The following ELL2 variants were observed in gnomAD, a reference collection of about 807,000 sequenced individuals.
The protein encoded by ELL2 is elongation factor for RNA polymerase II 2.
In ELL2, 21 loss-of-function variants were observed where a neutral mutation model predicts 72.8. That is an observed-to-expected ratio of 0.29 (90% confidence interval 0.20 to 0.42). The LOEUF (loss-of-function observed/expected upper bound fraction) is 0.42. Ranked by LOEUF, ELL2 falls within the 10% of genes least tolerant of loss-of-function variation. The pLI is 1.00. For missense variants in ELL2, 568 were observed against 772.8 expected (o/e 0.73, Z 3.14); for synonymous variants, 266 against 283.2 (o/e 0.94, Z 0.61).
At chr5:95,896,434 G>T (rs1004276757) in intron 8 of ELL2, among the ~76,000 whole-genome samples, 1 of 152,012 alleles carries the variant, frequency 6.6e-6, no homozygotes, top group East Asian at 1.9e-4. Flanking sequence ...TGAAAGTAGG[G>T]TTAAACTGAT....
At chr5:95,895,298 G>A (rs1580479133) in intron 9 of ELL2, among the ~76,000 whole-genome samples, 1 of 152,248 alleles carries the variant, frequency 6.6e-6, no homozygotes, top group Non-Finnish European at 1.5e-5. Context: ...GTGAATGACT[G>A]TGCATTGATA....
At chr5:95,903,074 C>G (rs552984186) in intron 5 of ELL2, among the ~76,000 whole-genome samples, 1 of 152,064 alleles carries the variant, frequency 6.6e-6, no homozygotes. Flanking sequence ...GTGTGAGCCA[C>G]TACGCCCCAC....
intron 5 of ELL2, among the ~76,000 whole-genome samples, chr5:95,903,016 C>T (rs551062670): frequency 2.0e-5 from 3 of 151,806 alleles, no homozygotes; most frequent in Admixed American, 6.6e-5. Context: ...CTCAAACTCC[C>T]GGGCTCAAGC....
Position 95,927,381 on chromosome 5 carries a change from A to ACG in ELL2, c.196-7838_196-7837dup, listed in dbSNP as rs1300212910. Among the ~76,000 whole-genome samples the ACG allele has an allele frequency of 1.1e-4, 8 of 69,858 alleles. 2 individuals are homozygous for ACG. Among genetic ancestry groups the ACG allele is most frequent in the African/African-American group, 3.2e-4 (4 of 12,636 alleles). 45.8% of individuals were successfully genotyped at this position (69,858 alleles called of 152,430 possible). A position where few individuals can be genotyped will look rare whatever the true frequency, so the allele number is the denominator to read the frequency against. The stretch of plus-strand genomic sequence containing the variant: ...TGTATATATAGACATACACACACAC[A>ACG]CGTGTGTATATATAGACATACACAC... On this transcript the variant is annotated intron_variant, in intron 2 of 11. Transcript: ENST00000237853.
At chr5:95,898,182 C>T (rs145361722) in intron 8 of ELL2, 58 bp downstream of exon 8, 475 of 1,305,816 alleles carry the variant, frequency 3.6e-4, no homozygotes, top group Non-Finnish European at 4.3e-4. Flanking sequence ...TAATTATAAA[C>T]TGTGTAATTT....
chr5:95,948,429 C>CAAAAAAAAAA (rs1187881368), intron 1 of ELL2, among the ~76,000 whole-genome samples: 1,020 of 35,206 alleles, frequency 0.029, 149 homozygotes, highest in African/African-American at 0.043. Context: ...GACTCCGCCT[C>CAAAAAAAAAA]AAAAAAAAAA....
At chr5:95,901,559 T>TAAC (rs10671631) in intron 5 of ELL2, among the ~76,000 whole-genome samples, 56,570 of 151,712 alleles carry the variant, frequency 0.37, 11,845 homozygotes, top group African/African-American at 0.58. Context: ...GGTAAGAGAT[T>TAAC]AACAATAACT....
chr5:95,894,096 C>CA (rs1296904649), intron 9 of ELL2, among the ~76,000 whole-genome samples: 1 of 152,150 alleles, frequency 6.6e-6, no homozygotes, highest in Non-Finnish European at 1.5e-5. Context: ...ACTAAAAATA[C>CA]AAAAAATTAC....
intron 2 of ELL2, among the ~76,000 whole-genome samples, chr5:95,925,147 G>A (rs1750239754): frequency 6.6e-6 from 1 of 152,142 alleles, no homozygotes; most frequent in Non-Finnish European, 1.5e-5. Context: ...GTTCTTCTGT[G>A]GGATTACAAA....
At position 95,895,683 on chromosome 5, in the gene ELL2, C is replaced by G; in HGVS notation, c.1534G>C (p.Glu512Gln). 1 of 1,613,940 alleles carries G rather than the reference C, an allele frequency of 6.2e-7. No homozygotes were observed. Among genetic ancestry groups the G allele is most frequent in the African/African-American group, 1.3e-5 (1 of 75,042 alleles). ...SSPNSSGGVK[E>Q]DCTASMEPSA... Reference sequence around the variant, plus strand: ...GGTTCCATGGAGGCAGTGCAATCCTCTTTAACTCCTATGAAGAAAAAAAAC... The same window carrying G: ...GGTTCCATGGAGGCAGTGCAATCCTGTTTAACTCCTATGAAGAAAAAAAAC... Residue 512 changes from glutamate to glutamine, a missense_variant, in exon 9 of 12, where the codon GAG (glutamate) becomes CAG (glutamine). By Grantham distance (29) the Glu-to-Gln change is conservative. Around this residue, in one of 2 missense-constraint regions of ELL2, gnomAD observed 511 missense variants for 728.4 expected, o/e 0.70. Coordinates refer to ENST00000237853, the MANE Select transcript of ELL2 (RefSeq NM_012081.6).
rs753019427 is a variant in ELL2, at chr5:95,903,678, A to G, written c.742-2598T>C. On this transcript the variant is annotated intron_variant, in intron 5 of 11. Coordinates refer to ENST00000237853, the MANE Select transcript of ELL2 (RefSeq NM_012081.6). ...TAAGTTTGAAGACTTTCAATACCCA[A>G]TATATATGCTGCTAATTCCTAAATT... Among the ~76,000 whole-genome samples the G allele has an allele frequency of 8.5e-5, 13 of 152,264 alleles. No homozygotes were observed. In the East Asian group the frequency reaches 1.4e-3, roughly 16 times the overall value.
At chr5:95,940,443 G>A (rs1172294746) in intron 2 of ELL2, among the ~76,000 whole-genome samples, 1 of 152,046 alleles carries the variant, frequency 6.6e-6, no homozygotes, top group Non-Finnish European at 1.5e-5. Flanking sequence ...ACATCACTGA[G>A]GGAAAAAAAT....
intron 1 of ELL2, among the ~76,000 whole-genome samples, chr5:95,945,439 C>T (rs1452934069): frequency 6.6e-6 from 1 of 152,212 alleles, no homozygotes; most frequent in Non-Finnish European, 1.5e-5. Flanking sequence ...AGGATCAGAA[C>T]CCAAGACTCA....
At chr5:95,952,124 C>A (rs912058680) in intron 1 of ELL2, among the ~76,000 whole-genome samples, 1 of 151,976 alleles carries the variant, frequency 6.6e-6, no homozygotes, top group Non-Finnish European at 1.5e-5. Flanking sequence ...AACACAGCAA[C>A]GAAAAAGAAT....
intron 2 of ELL2, among the ~76,000 whole-genome samples, chr5:95,924,748 T>A (rs1750225269): frequency 6.6e-6 from 1 of 152,290 alleles, no homozygotes. Context: ...TGTCTGTCTT[T>A]GATAAAAAGC....
chr5:95,954,350 G>A (rs2112360518), intron 1 of ELL2, among the ~76,000 whole-genome samples: 1 of 151,310 alleles, frequency 6.6e-6, no homozygotes, highest in South Asian at 2.1e-4. Context: ...TAGTGCCAAT[G>A]GCTAGAAATC....
intron 2 of ELL2, among the ~76,000 whole-genome samples, chr5:95,927,716 T>C (rs530189880): frequency 9.9e-5 from 7 of 71,034 alleles, no homozygotes; most frequent in African/African-American, 2.9e-4. Flanking sequence ...CACACACACA[T>C]ATGTGTGTAT....
intron 2 of ELL2, chr5:95,932,517 T>C (rs1459260625): frequency 6.6e-6 from 1 of 152,228 alleles, no homozygotes; most frequent in Non-Finnish European, 1.5e-5. Flanking sequence ...TTTGCTTATC[T>C]TTTAGATAGT....
chr5:95,892,422 T>C (rs894382718), intron 9 of ELL2, among the ~76,000 whole-genome samples: 2 of 152,176 alleles, frequency 1.3e-5, no homozygotes, highest in African/African-American at 2.4e-5. Flanking sequence ...GCTAGGATTA[T>C]AGGCGTGAGC....
Sources: allele counts gnomAD v4.1 joint callset (sites outside exome capture counted in the v4.1 genomes callset), GRCh38; gene constraint gnomAD v4.1.1; regional missense constraint gnomAD v4.1.1; transcripts MANE v1.5; gene names NCBI Gene and HGNC (gene_info 2026-07-23, HGNC 2026-07-21).